SHANK2: variants seen among roughly 807,000 people sequenced by gnomAD.
SHANK2 encodes the protein SH3 and multiple ankyrin repeat domains protein 2.
SHANK2 carries 43 observed loss-of-function variants against 133.7 expected under a neutral mutation model. The observed-to-expected ratio is 0.32, with a 90% CI of 0.25 to 0.41. SHANK2 has a LOEUF of 0.41. SHANK2 is among the 10% of genes least tolerant of loss of function. The probability of loss-of-function intolerance (pLI) is 1.00; values close to 1 mark genes in which losing one functional copy is unlikely to be tolerated. For missense variants in SHANK2, 1,994 were observed against 2,235.8 expected, an observed-to-expected ratio of 0.89 and a Z score of 2.18; for synonymous variants, 1,017 against 952.8, an observed-to-expected ratio of 1.07 and a Z score of -1.24.
At chr11:71,238,635 C>T (rs1954852370) in intron 1 of SHANK2, among the ~76,000 whole-genome samples, 1 of 152,252 alleles carries the variant, frequency 6.6e-6, no homozygotes, top group Non-Finnish European at 1.5e-5. Context: ...TATGCTCCCT[C>T]TGTGGCCCAA....
At chr11:70,877,178 CTT>C (rs1834087149) in intron 11 of SHANK2, among the ~76,000 whole-genome samples, 1 of 152,238 alleles carries the variant, frequency 6.6e-6, no homozygotes, top group Non-Finnish European at 1.5e-5. Flanking sequence ...ATTTTCCCCT[CTT>C]TTTGGAACGC....
intron 14 of SHANK2, among the ~76,000 whole-genome samples, chr11:70,726,149 C>T (rs1946177589): frequency 6.6e-6 from 1 of 152,156 alleles, no homozygotes. Flanking sequence ...GGGATGGGTG[C>T]CTCTTTTTCA....
chr11:71,101,293 T>C (rs1951713579), intron 6 of SHANK2, among the ~76,000 whole-genome samples: 1 of 152,186 alleles, frequency 6.6e-6, no homozygotes. Context: ...TCTGCCGCAT[T>C]TTCCTTACTG....
intron 9 of SHANK2, among the ~76,000 whole-genome samples, chr11:71,071,030 T>C (rs1951135222): frequency 6.6e-6 from 1 of 152,226 alleles, no homozygotes; most frequent in Non-Finnish European, 1.5e-5. Flanking sequence ...GAAAGAAACA[T>C]CAACACTTTC....
intron 2 of SHANK2, among the ~76,000 whole-genome samples, chr11:71,170,858 G>A (rs1555112015): frequency 6.6e-6 from 1 of 152,232 alleles, no homozygotes; most frequent in Admixed American, 6.5e-5. Flanking sequence ...GAAATGCGAT[G>A]GTCCTCGTCC....
chr11:70,720,291 G>A (rs1163713681), intron 14 of SHANK2, among the ~76,000 whole-genome samples: 2 of 152,192 alleles, frequency 1.3e-5, no homozygotes, highest in African/African-American at 4.8e-5. Context: ...CGTCTAACTG[G>A]TTTATCACAA....
intron 17 of SHANK2, among the ~76,000 whole-genome samples, chr11:70,546,480 A>G (rs1298152181): frequency 6.6e-6 from 1 of 152,226 alleles, no homozygotes; most frequent in Non-Finnish European, 1.5e-5. Flanking sequence ...GCCAGGAACT[A>G]GGGACAGAGA....
chr11:70,908,188 C>T (rs1307583487), intron 10 of SHANK2: 1 of 245,864 alleles, frequency 4.1e-6, no homozygotes, highest in Non-Finnish European at 8.2e-6. Flanking sequence ...GCTTAAGAGA[C>T]CACCCTAAAA....
chr11:70,771,255 C>T (rs542804869), intron 14 of SHANK2, among the ~76,000 whole-genome samples: 1 of 152,304 alleles, frequency 6.6e-6, no homozygotes, highest in South Asian at 2.1e-4. Flanking sequence ...AAGACGGCTT[C>T]TTGCCATCTC....
intron 6 of SHANK2, among the ~76,000 whole-genome samples, chr11:71,098,235 C>A (rs1270737314): frequency 7.1e-6 from 1 of 140,104 alleles, no homozygotes; most frequent in Non-Finnish European, 1.6e-5. Flanking sequence ...GTCTACATGC[C>A]TGTGTGCATG....
chr11:71,252,974 AT>A, upstream of SHANK2, among the ~76,000 whole-genome samples: 1 of 152,316 alleles, frequency 6.6e-6, no homozygotes, highest in Non-Finnish European at 1.5e-5. This position sits in a 1 kb window ranked among gnomAD's most constrained non-coding sequence, Gnocchi z 6.3. Flanking sequence ...TAATAATAGG[AT>A]TTGGAAATAG....
At chr11:70,787,560 T>A (rs1426503524) in intron 14 of SHANK2, among the ~76,000 whole-genome samples, 1 of 134,248 alleles carries the variant, frequency 7.4e-6, no homozygotes, top group Admixed American at 7.3e-5. Flanking sequence ...ACCATGACCA[T>A]CACCATGACC....
chr11:70,560,871 C>T (rs2059901290), intron 17 of SHANK2, among the ~76,000 whole-genome samples: 1 of 152,062 alleles, frequency 6.6e-6, no homozygotes, highest in Non-Finnish European at 1.5e-5. Flanking sequence ...AAGTGATTCG[C>T]CTGCCTCGGC....
At position 71,188,134 on chromosome 11, in the gene SHANK2, C is replaced by T. The variant is rs116910016; in HGVS notation, c.-13+36563G>A. Among the ~76,000 whole-genome samples the T allele has an allele frequency of 1.1e-4, 16 of 152,284 alleles. No individual in the cohort carries two copies. In the South Asian group the frequency reaches 1.2e-3, roughly 12 times the overall value. On this transcript the variant is annotated intron_variant, in intron 2 of 25. Coordinates refer to ENST00000601538, the MANE Select transcript of SHANK2 (RefSeq NM_012309.5). The surrounding 1 kb of genome is among the most constrained non-coding windows in gnomAD (Gnocchi z 4.6). ...TTAGAAACTGAGACATCACCGGAGA[C>T]GTTTCCCTCTGCCTCTGCCCCGTTT...
intron 14 of SHANK2, among the ~76,000 whole-genome samples, chr11:70,703,552 G>A (rs1172448028): frequency 6.6e-6 from 1 of 152,198 alleles, no homozygotes; most frequent in Non-Finnish European, 1.5e-5. Flanking sequence ...GCACTGCGCT[G>A]AGAGGCAAGG....
intron 2 of SHANK2, among the ~76,000 whole-genome samples, chr11:71,182,156 A>C (rs1171715053): frequency 1.3e-5 from 2 of 151,974 alleles, no homozygotes; most frequent in Non-Finnish European, 2.9e-5. Flanking sequence ...AAAAAAAAAA[A>C]TCTCTCCAAA....
chr11:70,716,899 C>G (rs1344370159), intron 14 of SHANK2, among the ~76,000 whole-genome samples: 1 of 146,436 alleles, frequency 6.8e-6, no homozygotes, highest in Non-Finnish European at 1.5e-5. Flanking sequence ...CCCGGAGCCC[C>G]CCCCCCGCCC....
At chr11:71,085,631 A>T (rs1361949984) in intron 8 of SHANK2, among the ~76,000 whole-genome samples, 5 of 65,820 alleles carry the variant, frequency 7.6e-5, no homozygotes, top group Admixed American at 2.8e-4. Flanking sequence ...ATATATTATA[A>T]TATATATAAT....
At chr11:70,847,682 C>G (rs1949016555) in intron 11 of SHANK2, among the ~76,000 whole-genome samples, 1 of 152,226 alleles carries the variant, frequency 6.6e-6, no homozygotes, top group Non-Finnish European at 1.5e-5. Context: ...ATTCACTCCA[C>G]TCAGGTTCCG....
Sources: allele counts gnomAD v4.1 joint callset (sites outside exome capture counted in the v4.1 genomes callset), GRCh38; gene constraint gnomAD v4.1.1; non-coding constraint Gnocchi (gnomAD v3.1); transcripts MANE v1.5; gene names NCBI Gene and HGNC (gene_info 2026-07-23, HGNC 2026-07-21).